Variants in KLHL32 observed in about 807,000 individuals in gnomAD.
The protein encoded by KLHL32 is kelch-like protein 32.
KLHL32 carries 35 observed loss-of-function variants against 64.8 expected under a neutral mutation model. The ratio of observed to expected loss-of-function variants is 0.54; its 90% CI spans 0.41 to 0.72. The LOEUF is 0.72. KLHL32 is among the 30% of genes least tolerant of loss of function. The probability of loss-of-function intolerance (pLI) is 0.00; values close to 1 mark genes in which losing one functional copy is unlikely to be tolerated. For missense variants in KLHL32, 589 were observed against 768.5 expected (o/e 0.77, Z 2.76); for synonymous variants, 259 against 281.0 (o/e 0.92, Z 0.78).
intron 6 of KLHL32, among the ~76,000 whole-genome samples, chr6:97,094,067 G>A (rs1794632734): frequency 6.6e-6 from 1 of 152,130 alleles, no homozygotes; most frequent in East Asian, 1.9e-4. Context: ...TTGACAGTTG[G>A]GTGATGGTTT....
intron 7 of KLHL32, among the ~76,000 whole-genome samples, chr6:97,120,670 T>C (rs1003788147): frequency 5.3e-5 from 8 of 152,132 alleles, no homozygotes; most frequent in Non-Finnish European, 1.2e-4. Flanking sequence ...AAAGTGTGTG[T>C]TGCGGGAGTA....
chr6:97,063,001 A>G (rs1789156504), intron 4 of KLHL32, among the ~76,000 whole-genome samples: 1 of 152,240 alleles, frequency 6.6e-6, no homozygotes. Flanking sequence ...AGCATATTCA[A>G]TAACTTTTTA....
the KLHL32 span, among the ~76,000 whole-genome samples, chr6:96,898,737 C>T: frequency 2.0e-5 from 3 of 152,090 alleles, no homozygotes; most frequent in Non-Finnish European, 4.4e-5. Context: ...TTACATTCAC[C>T]TTCTCCGTCT....
intron 6 of KLHL32, among the ~76,000 whole-genome samples, chr6:97,099,550 T>C (rs923629970): frequency 1.3e-5 from 2 of 152,226 alleles, no homozygotes; most frequent in African/African-American, 2.4e-5. Flanking sequence ...TACTACCTTC[T>C]ACTCATTCCT....
the KLHL32 span, among the ~76,000 whole-genome samples, chr6:96,902,996 G>GTTTTGGT: frequency 4.6e-4 from 70 of 152,208 alleles, no homozygotes; most frequent in East Asian, 0.012. Context: ...CTGTAGCCCT[G>GTTTTGGT]TAGAATAGTT....
chr6:96,987,004 A>G (rs1251840468), intron 3 of KLHL32, among the ~76,000 whole-genome samples: 5 of 151,758 alleles, frequency 3.3e-5, no homozygotes. Context: ...CTATGCGGCC[A>G]TCTTGGCTCC....
chr6:96,934,982 T>C (rs1770405820), intron 1 of KLHL32, among the ~76,000 whole-genome samples: 1 of 152,206 alleles, frequency 6.6e-6, no homozygotes, highest in South Asian at 2.1e-4. Context: ...AAAATGTGCT[T>C]TTGAATATTA....
intron 3 of KLHL32, among the ~76,000 whole-genome samples, chr6:97,003,645 C>G (rs999200092): frequency 1.3e-5 from 2 of 152,236 alleles, no homozygotes; most frequent in East Asian, 3.9e-4. Context: ...TAGCTTTAAT[C>G]CATCTTGAGT....
At chr6:97,116,017 C>A (rs1322365402) in intron 7 of KLHL32, among the ~76,000 whole-genome samples, 1 of 152,020 alleles carries the variant, frequency 6.6e-6, no homozygotes, top group African/African-American at 2.4e-5. Context: ...CCTCAATAAC[C>A]AGGAAGATAG....
intron 2 of KLHL32, among the ~76,000 whole-genome samples, chr6:96,975,559 A>G (rs375595740): frequency 1.4e-4 from 22 of 152,214 alleles, no homozygotes; most frequent in African/African-American, 5.1e-4. Flanking sequence ...AAAGGTGGGG[A>G]AGGAATCAGG....
chr6:97,051,314 C>A (rs1285080467), intron 4 of KLHL32, among the ~76,000 whole-genome samples: 1 of 152,204 alleles, frequency 6.6e-6, no homozygotes, highest in African/African-American at 2.4e-5. Context: ...CACCTCCCAC[C>A]CTACCCCATT....
chr6:97,105,255 G>C (rs1329261662), intron 6 of KLHL32, among the ~76,000 whole-genome samples: 1 of 152,122 alleles, frequency 6.6e-6, no homozygotes, highest in Non-Finnish European at 1.5e-5. Flanking sequence ...GAGCATGCTC[G>C]ATACTCTGTT....
At chr6:97,069,432 T>C (rs1790353967) in intron 5 of KLHL32, among the ~76,000 whole-genome samples, 1 of 151,222 alleles carries the variant, frequency 6.6e-6, no homozygotes, top group South Asian at 2.1e-4. Flanking sequence ...CAATGGCAAT[T>C]TCAGTAAGAA....
chr6:96,935,006 GAT>G lies in KLHL32; in HGVS notation c.-66+9983_-66+9984del, dbSNP rs1489760426. 9.2e-5 allele frequency among the ~76,000 whole-genome samples: 14 copies of G among 152,330 alleles called. No homozygotes were observed. The East Asian group carries it at 2.3e-3, about 25-fold the overall frequency. On this transcript the variant is annotated intron_variant, in intron 1 of 10. Coordinates refer to ENST00000369261, the MANE Select transcript of KLHL32 (RefSeq NM_052904.4). ...TTTTGAATATTAGGCATTTTGAAGA[GAT>G]ATGCAATTGTTAAGCACCAGTATAC...
rs556544876 is a variant in KLHL32, at chr6:97,122,068, G to A, written c.1355-5336G>A. Among the ~76,000 whole-genome samples, 21 of 152,278 alleles carry A rather than the reference G, an allele frequency of 1.4e-4. 1 individual carries two copies. In the South Asian group the frequency reaches 3.7e-3, roughly 27 times the overall value. On this transcript the variant is annotated intron_variant, in intron 7 of 10. Coordinates refer to ENST00000369261, the MANE Select transcript of KLHL32 (RefSeq NM_052904.4). ...ATATTATTGAGATTATAAAGGGCAG[G>A]TGAATCTAATTGATATCTGCATTAT...
rs369325183 is a variant in KLHL32, at chr6:97,013,777, G to A, written c.205-27715G>A. Among the ~76,000 whole-genome samples the A allele has an allele frequency of 3.6e-4, 55 of 152,298 alleles. 1 individual carries two copies. The highest frequency in any genetic ancestry group is 3.4e-3 in the Middle Eastern group (1 of 294). Reference sequence around the variant, plus strand: ...AATGATTATCACCTACTAAGGCAAAGGAAGAAAACAGCGTATTATGGGAGT... The same window carrying A: ...AATGATTATCACCTACTAAGGCAAAAGAAGAAAACAGCGTATTATGGGAGT... On this transcript the variant is annotated intron_variant, in intron 3 of 10. Transcript: ENST00000369261.
chr6:97,049,971 A>G (rs577934235), intron 4 of KLHL32, among the ~76,000 whole-genome samples: 2 of 152,160 alleles, frequency 1.3e-5, no homozygotes, highest in Non-Finnish European at 2.9e-5. Flanking sequence ...GGCAGGGCCA[A>G]TTCTAAGTGA....
chr6:97,069,898 T>C (rs987146160), intron 5 of KLHL32, among the ~76,000 whole-genome samples: 9 of 152,096 alleles, frequency 5.9e-5, no homozygotes, highest in Non-Finnish European at 1.3e-4. Context: ...TAAGTAATAC[T>C]ACAATGACTT....
chr6:96,923,600 G>C (rs1447334765), upstream of KLHL32, among the ~76,000 whole-genome samples: 1 of 152,176 alleles, frequency 6.6e-6, no homozygotes. Context: ...TCTAGAAGTA[G>C]AAAATAATCG....
Sources: allele counts gnomAD v4.1 joint callset (sites outside exome capture counted in the v4.1 genomes callset), GRCh38; gene constraint gnomAD v4.1.1; transcripts MANE v1.5; gene names NCBI Gene and HGNC (gene_info 2026-07-23, HGNC 2026-07-21).